Variants in FBXW11 observed in about 807,000 individuals in gnomAD.
FBXW11 encodes the protein F-box and WD repeat domain containing 11.
Under a neutral mutation model 77.6 loss-of-function variants are expected in FBXW11, and 19 were observed. The observed-to-expected ratio is 0.24, with a 90% CI of 0.17 to 0.36. The LOEUF (loss-of-function observed/expected upper bound fraction) is 0.36, where lower values mean the gene tolerates loss of function less well. Among genes scored for constraint, FBXW11 ranks in the 10% least tolerant of loss-of-function variants. The pLI, the probability that FBXW11 is intolerant of heterozygous loss-of-function variation, is 1.00. For synonymous variants in FBXW11, 235 were observed against 249.4 expected (o/e 0.94, Z 0.54); for missense variants, 334 against 704.2 (o/e 0.47, Z 5.95).
At chr5:171,951,159 G>A (rs141798685) in intron 2 of FBXW11, among the ~76,000 whole-genome samples, 2 of 151,326 alleles carry the variant, frequency 1.3e-5, no homozygotes, top group Non-Finnish European at 2.9e-5. Flanking sequence ...AGATACATAT[G>A]CAATGAAATC....
intron 2 of FBXW11, among the ~76,000 whole-genome samples, chr5:171,948,985 A>C (rs1385338373): frequency 6.6e-6 from 1 of 152,198 alleles, no homozygotes; most frequent in Non-Finnish European, 1.5e-5. Flanking sequence ...CTAAAATATT[A>C]ATTTATTTGC....
At chr5:171,910,342 A>G (rs1418503228) in intron 4 of FBXW11, among the ~76,000 whole-genome samples, 1 of 152,186 alleles carries the variant, frequency 6.6e-6, no homozygotes, top group Non-Finnish European at 1.5e-5. Flanking sequence ...CTGGGATTAC[A>G]GCTGTTAAGC....
intron 6 of FBXW11, among the ~76,000 whole-genome samples, chr5:171,893,210 C>T (rs868090445): frequency 3.3e-5 from 5 of 151,756 alleles, no homozygotes; most frequent in Non-Finnish European, 5.9e-5. Context: ...CCTGGAAATA[C>T]GGTATCTTCC....
intron 2 of FBXW11, among the ~76,000 whole-genome samples, chr5:171,939,405 T>C (rs1762633149): frequency 6.6e-6 from 1 of 150,612 alleles, no homozygotes; most frequent in Non-Finnish European, 1.5e-5. Flanking sequence ...TTTTAAGAAC[T>C]ATAAAGAAAT....
chr5:171,963,182 C>T (rs1254344223), intron 1 of FBXW11, among the ~76,000 whole-genome samples: 1 of 46,592 alleles, frequency 2.1e-5, no homozygotes, highest in Non-Finnish European at 1.0e-4. Flanking sequence ...AATGTAAATA[C>T]ACATACACAC....
intron 1 of FBXW11, among the ~76,000 whole-genome samples, chr5:171,964,139 A>G (rs1215566919): frequency 6.6e-6 from 1 of 152,228 alleles, no homozygotes; most frequent in African/African-American, 2.4e-5. Flanking sequence ...TTTGTTTTAC[A>G]AACAATGCAA....
intron 2 of FBXW11, among the ~76,000 whole-genome samples, chr5:171,921,656 A>C (rs1761602786): frequency 6.6e-6 from 1 of 152,234 alleles, no homozygotes; most frequent in Non-Finnish European, 1.5e-5. Context: ...ACATAGAAAA[A>C]TTCAAATTAA....
chr5:171,862,611 C>G lies in FBXW11; in HGVS notation c.*1516G>C, dbSNP rs1218816052. 6.5e-6 allele frequency: 1 copy of G among 152,680 alleles called. No homozygotes were observed. Among genetic ancestry groups the G allele is most frequent in the Non-Finnish European group, 1.5e-5 (1 of 68,064 alleles). The allele number at this position is 152,680 out of a possible 1,614,324, so 9.5% of individuals were successfully genotyped here. ...GGAGTGCCAATTGGATGCCAACGTC[C>G]TTTCCATGCACTGTCAGGGCAACAG... On this transcript the variant is annotated 3_prime_UTR_variant, in exon 14 of 14. Transcript: ENST00000517395.
chr5:171,894,688 CTTTT>C (rs142463470), intron 6 of FBXW11, among the ~76,000 whole-genome samples: 38 of 130,192 alleles, frequency 2.9e-4, no homozygotes, highest in African/African-American at 6.1e-4. Context: ...TAACCCAGGT[CTTTT>C]TTTTTTTTTT....
chr5:171,988,265 T>A (rs1765550743), intron 1 of FBXW11, among the ~76,000 whole-genome samples: 1 of 152,198 alleles, frequency 6.6e-6, no homozygotes, highest in Non-Finnish European at 1.5e-5. Context: ...AAATGGCTGA[T>A]TCCTGATCAC....
chr5:172,002,576 ACTAAACAACC>A (rs1188166399), intron 1 of FBXW11, among the ~76,000 whole-genome samples: 1 of 151,424 alleles, frequency 6.6e-6, no homozygotes, highest in Non-Finnish European at 1.5e-5. Context: ...TGATGAAGTC[ACTAAACAACC>A]CCACTCACCC....
At chr5:171,877,401 C>A in intron 8 of FBXW11, among the ~76,000 whole-genome samples, 1 of 152,136 alleles carries the variant, frequency 6.6e-6, no homozygotes, top group East Asian at 1.9e-4. Flanking sequence ...CATCAATCAC[C>A]GCATCCACTT....
chr5:171,899,219 A>G (rs2288816), intron 5 of FBXW11, 125 bp from the exon 6 acceptor site: 41,308 of 613,472 alleles, frequency 0.067, 2,033 homozygotes, highest in East Asian at 0.22. Flanking sequence ...TAACAGTTCA[A>G]AAGCAGGATT....
chr5:171,970,141 C>T (rs865880377), intron 1 of FBXW11, among the ~76,000 whole-genome samples: 3 of 152,182 alleles, frequency 2.0e-5, no homozygotes, highest in South Asian at 2.1e-4. Context: ...GTTAAAAAAT[C>T]TTTTGAATTC....
At chr5:171,939,390 A>G (rs1346197923) in intron 2 of FBXW11, among the ~76,000 whole-genome samples, 2 of 151,666 alleles carry the variant, frequency 1.3e-5, no homozygotes, top group African/African-American at 4.8e-5. Flanking sequence ...AGTCATAAAC[A>G]TTATTTTTAA....
chr5:171,906,520 C>T (rs1293508236), intron 4 of FBXW11, among the ~76,000 whole-genome samples: 1 of 152,166 alleles, frequency 6.6e-6, no homozygotes, highest in Non-Finnish European at 1.5e-5. Flanking sequence ...ATTAAAATTT[C>T]CTACCAATAA....
chr5:171,985,080 T>C (rs1194665881), intron 1 of FBXW11, among the ~76,000 whole-genome samples: 1 of 152,186 alleles, frequency 6.6e-6, no homozygotes, highest in Non-Finnish European at 1.5e-5. Context: ...AACACAGTCA[T>C]CCACTCTACA....
At chr5:171,872,729 A>G (rs868697611) in intron 10 of FBXW11, 143 bp downstream of exon 10, 3 of 655,224 alleles carry the variant, frequency 4.6e-6, no homozygotes, top group East Asian at 2.6e-5. Flanking sequence ...ACAGAGCCCA[A>G]ATACATTTCT....
At chr5:171,936,498 CAAAA>C (rs551599131) in intron 2 of FBXW11, among the ~76,000 whole-genome samples, 1 of 63,844 alleles carries the variant, frequency 1.6e-5, no homozygotes, top group Non-Finnish European at 3.5e-5. Context: ...CCTGTCTCAC[CAAAA>C]AAAAAAAAAA....
Sources: allele counts gnomAD v4.1 joint callset (sites outside exome capture counted in the v4.1 genomes callset), GRCh38; gene constraint gnomAD v4.1.1; transcripts MANE v1.5; gene names NCBI Gene and HGNC (gene_info 2026-07-23, HGNC 2026-07-21).